PRPSAP1: variants seen among roughly 807,000 people sequenced by gnomAD.
PRPSAP1 encodes phosphoribosyl pyrophosphate synthetase associated protein 1.
A neutral mutation model predicts 39.4 loss-of-function variants in PRPSAP1; 31 were observed. The ratio of observed to expected loss-of-function variants is 0.79; its 90% CI spans 0.59 to 1.06. The LOEUF (loss-of-function observed/expected upper bound fraction) is 1.06, where lower values mean the gene tolerates loss of function less well. Ranked by LOEUF, PRPSAP1 falls within the 50% of genes least tolerant of loss-of-function variation. The probability of loss-of-function intolerance (pLI) is 0.00; values close to 1 mark genes in which losing one functional copy is unlikely to be tolerated. For missense variants in PRPSAP1, 430 were observed against 511.6 expected (o/e 0.84, Z 1.54); for synonymous variants, 212 against 192.6 (o/e 1.10, Z -0.83).
At chr17:76,327,597 G>A (rs1463389604) in intron 7 of PRPSAP1, among the ~76,000 whole-genome samples, 1 of 152,004 alleles carries the variant, frequency 6.6e-6, no homozygotes, top group Admixed American at 6.6e-5. Context: ...AGGTTGCAGT[G>A]AGCCAAGATT....
intron 3 of PRPSAP1, among the ~76,000 whole-genome samples, chr17:76,336,812 T>C (rs2071384711): frequency 6.7e-6 from 1 of 149,238 alleles, no homozygotes; most frequent in African/African-American, 2.5e-5. Context: ...TTCAACATCC[T>C]CCAGCCCAAC....
At chr17:76,326,939 A>C (rs917879652) in intron 7 of PRPSAP1, among the ~76,000 whole-genome samples, 1 of 152,208 alleles carries the variant, frequency 6.6e-6, no homozygotes, top group Non-Finnish European at 1.5e-5. Context: ...GGAAAAAAAA[A>C]AACCCCATGT....
chr17:76,339,979 A>G (rs1294886164), intron 3 of PRPSAP1, among the ~76,000 whole-genome samples: 1 of 151,440 alleles, frequency 6.6e-6, no homozygotes, highest in Non-Finnish European at 1.5e-5. Flanking sequence ...TAAAAATACA[A>G]AATTAGCCAT....
intron 3 of PRPSAP1, among the ~76,000 whole-genome samples, chr17:76,332,675 A>T (rs959180173): frequency 6.6e-6 from 1 of 151,838 alleles, no homozygotes. Flanking sequence ...CCACCCTCAC[A>T]TTTGCCTGGG....
intron 4 of PRPSAP1, 67 bp from the exon 5 acceptor site, chr17:76,330,733 C>T (rs1045230203): frequency 1.0e-6 from 1 of 966,700 alleles, no homozygotes; most frequent in East Asian, 2.6e-5. Flanking sequence ...TGGACCTAAA[C>T]TAGATGCTCA....
At chr17:76,338,527 A>AC (rs1200429247) in intron 3 of PRPSAP1, among the ~76,000 whole-genome samples, 1 of 151,852 alleles carries the variant, frequency 6.6e-6, no homozygotes, top group Non-Finnish European at 1.5e-5. Context: ...ACATGGAGAA[A>AC]CCCCATCTCT....
chr17:76,326,522 G>A (rs930301778), intron 7 of PRPSAP1, among the ~76,000 whole-genome samples: 2 of 152,130 alleles, frequency 1.3e-5, no homozygotes, highest in Non-Finnish European at 2.9e-5. Flanking sequence ...TGCCAAAAAT[G>A]CATAACCTGA....
At chr17:76,344,467 A>G (rs1179036638) in intron 3 of PRPSAP1, among the ~76,000 whole-genome samples, 2 of 146,688 alleles carry the variant, frequency 1.4e-5, no homozygotes, top group African/African-American at 5.0e-5. Context: ...GGGTTTCAAC[A>G]TATTGGTCAG....
intron 1 of PRPSAP1, among the ~76,000 whole-genome samples, chr17:76,352,781 A>G (rs1188129104): frequency 6.6e-6 from 1 of 152,124 alleles, no homozygotes; most frequent in African/African-American, 2.4e-5. Flanking sequence ...CCGATCATAC[A>G]ATATTCTCAA....
rs1340484855 is a variant in PRPSAP1 at position 76,311,579 on chromosome 17, A to G, written c.1121T>C (p.Met374Thr). 1.2e-6 allele frequency: 2 copies of G among 1,614,226 alleles called. No homozygotes were observed. The highest frequency in any genetic ancestry group is 1.7e-6 in the Non-Finnish European group (2 of 1,180,034). ...AIRRIHNGESMAYLFRNITVD... is the reference protein window; with the variant it reads ...AIRRIHNGESTAYLFRNITVD... ...AGTGATGTTTCGGAAAAGGTAGGCC[A>G]TGGACTCTCCATTGTGGATTCTCCG... is the stretch of plus-strand genomic sequence containing the variant. The change falls in exon 10 of 10, where the codon ATG becomes ACG. Residue 374 changes from methionine (M) to threonine (T), a missense_variant. Coordinates refer to ENST00000446526, the MANE Select transcript of PRPSAP1 (RefSeq NM_002766.3).
At chr17:76,334,829 C>G (rs1022024648) in intron 3 of PRPSAP1, among the ~76,000 whole-genome samples, 4 of 152,156 alleles carry the variant, frequency 2.6e-5, no homozygotes, top group African/African-American at 9.7e-5. Flanking sequence ...ATCAAAAGGT[C>G]AGATAATCTT....
At chr17:76,341,332 G>A (rs746224829) in intron 3 of PRPSAP1, among the ~76,000 whole-genome samples, 2 of 148,410 alleles carry the variant, frequency 1.3e-5, no homozygotes, top group Admixed American at 6.9e-5. Context: ...CGACCACCCA[G>A]GCTCAAGCAA....
At chr17:76,319,654 A>G (rs2071166679) in intron 7 of PRPSAP1, among the ~76,000 whole-genome samples, 1 of 151,792 alleles carries the variant, frequency 6.6e-6, no homozygotes. Flanking sequence ...ATTTTAGTAG[A>G]GACGGGGTTT....
At chr17:76,315,151 T>C (rs1028675968) in intron 7 of PRPSAP1, among the ~76,000 whole-genome samples, 65 of 152,144 alleles carry the variant, frequency 4.3e-4, no homozygotes, top group Non-Finnish European at 9.0e-4. Flanking sequence ...CTGCAAAATC[T>C]GCATCTGAAG....
At chr17:76,316,140 C>T (rs1267892945) in intron 7 of PRPSAP1, among the ~76,000 whole-genome samples, 1 of 141,092 alleles carries the variant, frequency 7.1e-6, no homozygotes, top group Admixed American at 7.4e-5. Context: ...CGCACCACTG[C>T]ACACCAGCCT....
chr17:76,320,668 C>G (rs1419710585), intron 7 of PRPSAP1, among the ~76,000 whole-genome samples: 3 of 151,354 alleles, frequency 2.0e-5, no homozygotes, highest in Non-Finnish European at 4.4e-5. Context: ...CTCCTGACCT[C>G]AGCTGATGCA....
chr17:76,316,197 A>G (rs1189838272), intron 7 of PRPSAP1, among the ~76,000 whole-genome samples: 1 of 151,508 alleles, frequency 6.6e-6, no homozygotes, highest in Admixed American at 6.6e-5. Flanking sequence ...AAAAAGAAAA[A>G]AAAAAAGAAA....
chr17:76,329,901 G>A (rs1365598350), intron 6 of PRPSAP1, 142 bp downstream of exon 6: 1 of 709,810 alleles, frequency 1.4e-6, no homozygotes, highest in Non-Finnish European at 2.5e-6. Context: ...GTGTGGCATG[G>A]GACATGACAA....
intron 3 of PRPSAP1, among the ~76,000 whole-genome samples, chr17:76,334,149 G>A (rs2143509451): frequency 6.6e-6 from 1 of 152,184 alleles, no homozygotes; most frequent in South Asian, 2.1e-4. Flanking sequence ...GCTCTTCCTG[G>A]ACTATCCACG....
Sources: allele counts gnomAD v4.1 joint callset (sites outside exome capture counted in the v4.1 genomes callset), GRCh38; gene constraint gnomAD v4.1.1; transcripts MANE v1.5; gene names NCBI Gene and HGNC (gene_info 2026-07-23, HGNC 2026-07-21).